The following GRM7 variants were observed in gnomAD, a reference collection of about 807,000 sequenced individuals.
GRM7 encodes the protein metabotropic glutamate receptor 7.
Under a neutral mutation model 84.5 loss-of-function variants are expected in GRM7, and 35 were observed. That is an observed-to-expected ratio of 0.41 (90% CI 0.32 to 0.55). The LOEUF (loss-of-function observed/expected upper bound fraction) is 0.55, where lower values mean the gene tolerates loss of function less well. Ranked by LOEUF, GRM7 falls within the 20% of genes least tolerant of loss-of-function variation. The pLI, the probability that GRM7 is intolerant of heterozygous loss-of-function variation, is 0.19. For missense variants in GRM7, 1,003 were observed against 1,194.6 expected (o/e 0.84, Z 2.36); for synonymous variants, 487 against 455.1 (o/e 1.07, Z -0.89).
intron 4 of GRM7, among the ~76,000 whole-genome samples, chr3:7,325,407 T>A (rs1374695790): frequency 6.6e-6 from 1 of 152,304 alleles, no homozygotes. Context: ...AAAACACAGA[T>A]TGCTGGGCCT....
At chr3:7,204,624 G>A (rs2124826785) in intron 2 of GRM7, among the ~76,000 whole-genome samples, 1 of 152,316 alleles carries the variant, frequency 6.6e-6, no homozygotes, top group Middle Eastern at 3.4e-3. Flanking sequence ...TGAGTGCTAG[G>A]TGGGCAAATA....
intron 1 of GRM7, among the ~76,000 whole-genome samples, chr3:7,012,162 C>T (rs1695395100): frequency 1.3e-5 from 2 of 152,020 alleles, no homozygotes; most frequent in Admixed American, 6.6e-5. Context: ...ATTGAGTGCC[C>T]AGGAGAATCC....
At position 7,525,607 on chromosome 3, in the gene GRM7, G is replaced by T. The variant is rs113867185; in HGVS notation, c.1516-52815G>T. On this transcript the variant is annotated intron_variant, in intron 7 of 9. Coordinates refer to ENST00000357716, the MANE Select transcript of GRM7 (RefSeq NM_000844.4). ...GTACATGTGAAGGTTTGTTGCAAGG[G>T]TATACTGAATGATGCTGAGGTTTGG... 1.4e-3 allele frequency among the ~76,000 whole-genome samples: 207 copies of T among 152,116 alleles called. 1 individual carries two copies. Among genetic ancestry groups the T allele is most frequent in the African/African-American group, 4.7e-3 (194 of 41,536 alleles).
intron 2 of GRM7, among the ~76,000 whole-genome samples, chr3:7,240,182 GGAGAAA>G (rs1189697373): frequency 7.2e-4 from 83 of 114,496 alleles, no homozygotes; most frequent in Non-Finnish European, 1.2e-3. Context: ...GCAATCTGAT[GGAGAAA>G]GCAGCGGCTT....
intron 8 of GRM7, among the ~76,000 whole-genome samples, chr3:7,672,082 G>T (rs374289758): frequency 1.3e-5 from 2 of 151,684 alleles, no homozygotes; most frequent in African/African-American, 4.9e-5. Context: ...CCCCTGCCCC[G>T]GGGGGAGGGA....
chr3:7,587,223 A>G (rs1448585226), intron 8 of GRM7, among the ~76,000 whole-genome samples: 1 of 152,154 alleles, frequency 6.6e-6, no homozygotes. Context: ...TTGAAATGTA[A>G]TCATTAAGCG....
At chr3:7,713,124 G>GTT (rs5846535) in intron 9 of GRM7, among the ~76,000 whole-genome samples, 52 of 97,126 alleles carry the variant, frequency 5.4e-4, no homozygotes, top group South Asian at 3.9e-3. Flanking sequence ...ATTTTGTTTT[G>GTT]TTTTTTTTTT....
intron 2 of GRM7, among the ~76,000 whole-genome samples, chr3:7,222,843 T>A (rs576766699): frequency 6.6e-6 from 1 of 152,338 alleles, no homozygotes; most frequent in African/African-American, 2.4e-5. Context: ...GTCTTTAAAT[T>A]ATTTCTTTTT....
rs766558171 is a variant in GRM7 at position 7,447,135 on chromosome 3, G to A, written c.1175-5472G>A. ...TAGAGAGGTAAAAGATAATGCTTCA[G>A]AGTTCTCATTTTATCTAAACCGCAG... is the stretch of plus-strand genomic sequence containing the variant. On this transcript the variant is annotated intron_variant, in intron 5 of 9. Transcript: ENST00000357716. Among the ~76,000 whole-genome samples the A allele has an allele frequency of 2.0e-5, 3 of 152,270 alleles. No individual in the cohort carries two copies. In the South Asian group the frequency reaches 6.2e-4, roughly 32 times the overall value.
At chr3:7,212,061 T>G (rs1696449176) in intron 2 of GRM7, among the ~76,000 whole-genome samples, 1 of 151,976 alleles carries the variant, frequency 6.6e-6, no homozygotes, top group African/African-American at 2.4e-5. Context: ...CTCCTCAGCC[T>G]TTACTTCACT....
intron 1 of GRM7, among the ~76,000 whole-genome samples, chr3:6,918,885 C>G (rs1697028661): frequency 6.6e-6 from 1 of 152,090 alleles, no homozygotes; most frequent in African/African-American, 2.4e-5. Context: ...TGGATTGATT[C>G]AACATACCTC....
chr3:7,162,926 A>G (rs567311920), intron 2 of GRM7, among the ~76,000 whole-genome samples: 1 of 151,072 alleles, frequency 6.6e-6, no homozygotes, highest in South Asian at 2.1e-4. Flanking sequence ...TACCAGGCTA[A>G]TTTTTGTATT....
rs1698360485 is a variant in GRM7, at chr3:7,084,050, C to T, written c.520-62402C>T. ...ATGATTATATAGAATTCAGTTTCTT[C>T]TCTGGGTAAGATGGGAACCGTAGGG... On this transcript the variant is annotated intron_variant, in intron 1 of 9. Coordinates refer to ENST00000357716, the MANE Select transcript of GRM7 (RefSeq NM_000844.4). 1.3e-5 allele frequency among the ~76,000 whole-genome samples: 2 copies of T among 152,074 alleles called. 1 individual carries two copies. Among genetic ancestry groups the T allele is most frequent in the South Asian group, 4.1e-4 (2 of 4,822 alleles).
At chr3:7,039,715 A>G (rs917879199) in intron 1 of GRM7, among the ~76,000 whole-genome samples, 3 of 36,810 alleles carry the variant, frequency 8.1e-5, no homozygotes, top group Non-Finnish European at 1.5e-4. Context: ...AGTAACTGAG[A>G]AAAAAAAAAA....
chr3:7,166,552 G>C (rs17046928), intron 2 of GRM7, among the ~76,000 whole-genome samples: 6,805 of 152,208 alleles, frequency 0.045, 503 homozygotes, highest in African/African-American at 0.15. Context: ...GTGTCATATA[G>C]ACTGAACTTC....
At chr3:6,915,287 A>G (rs1426568536) in intron 1 of GRM7, among the ~76,000 whole-genome samples, 1 of 152,200 alleles carries the variant, frequency 6.6e-6, no homozygotes, top group East Asian at 1.9e-4. Context: ...TTTCACAATT[A>G]AAAAGAGCCA....
intron 9 of GRM7, among the ~76,000 whole-genome samples, chr3:7,718,331 C>T (rs753210259): frequency 1.9e-4 from 29 of 152,176 alleles, no homozygotes; most frequent in Non-Finnish European, 3.5e-4. Context: ...AGTCCAGCTT[C>T]ATCCCATTCT....
intron 7 of GRM7, among the ~76,000 whole-genome samples, chr3:7,514,066 G>A (rs983255): frequency 0.083 from 12,671 of 152,216 alleles, 672 homozygotes; most frequent in South Asian, 0.16. Context: ...GATGGCATCC[G>A]ATTTATAGTT....
chr3:7,194,231 C>G (rs979451127), intron 2 of GRM7, among the ~76,000 whole-genome samples: 11 of 152,212 alleles, frequency 7.2e-5, no homozygotes, highest in African/African-American at 2.4e-4. Context: ...TACACAGAGT[C>G]AATCCTTTCT....
Sources: gnomAD v4.1 joint callset for allele counts (sites outside exome capture counted in the v4.1 genomes callset) on GRCh38, gnomAD v4.1.1 for gene constraint, MANE v1.5 for transcripts, NCBI Gene and HGNC (gene_info 2026-07-23, HGNC 2026-07-21) for gene names.